PSAT1: variants seen among roughly 807,000 people sequenced by gnomAD.
The protein encoded by PSAT1 is phosphoserine aminotransferase 1.
In PSAT1, 41 loss-of-function variants were observed where a neutral mutation model predicts 40.3. The observed-to-expected ratio is 1.02, with a 90% confidence interval of 0.79 to 1.32. The LOEUF is 1.32. Among genes scored for constraint, PSAT1 ranks in the 40% most tolerant of loss-of-function variants. The pLI is 0.00. For missense variants in PSAT1, 406 were observed against 455.8 expected, an observed-to-expected ratio of 0.89 and a Z score of 0.99; for synonymous variants, 147 against 170.5, an observed-to-expected ratio of 0.86 and a Z score of 1.07.
In PSAT1 at chr9:78,306,736, CT is replaced by C. The variant is rs906599987; in HGVS notation, c.570+254del. On this transcript the variant is annotated intron_variant, in intron 5 of 8. Coordinates refer to ENST00000376588, the MANE Select transcript of PSAT1 (RefSeq NM_058179.4). ...ACTCGAGTCCTTGGGGAACTACCTGCTTTTGAGAGTGGTTCTTAGAAACGTG... is the reference window on the plus strand; with the variant it reads ...ACTCGAGTCCTTGGGGAACTACCTGCTTTGAGAGTGGTTCTTAGAAACGTG... Among the ~76,000 whole-genome samples the C allele has an allele frequency of 4.3e-4, 65 of 152,288 alleles. 1 individual carries two copies. Among genetic ancestry groups the C allele is most frequent in the African/African-American group, 1.5e-3 (63 of 41,552 alleles).
intron 2 of PSAT1, among the ~76,000 whole-genome samples, chr9:78,301,726 T>G (rs1029057008): frequency 2.0e-5 from 3 of 152,208 alleles, no homozygotes; most frequent in African/African-American, 7.2e-5. Flanking sequence ...GCTCAGTGAA[T>G]GTACCACTTG....
At chr9:78,307,299 C>T (rs1044556073) in intron 5 of PSAT1, among the ~76,000 whole-genome samples, 1 of 152,196 alleles carries the variant, frequency 6.6e-6, no homozygotes, top group African/African-American at 2.4e-5. Flanking sequence ...TACTATTTGT[C>T]CTTTTGTGTC....
At chr9:78,312,800 T>C (rs1436125338) in intron 6 of PSAT1, among the ~76,000 whole-genome samples, 1 of 152,116 alleles carries the variant, frequency 6.6e-6, no homozygotes, top group Non-Finnish European at 1.5e-5. Context: ...CTTCTCCCAG[T>C]GGGATGGGGA....
In PSAT1 at chr9:78,300,643, A is replaced by T. The variant is rs1828093764; in HGVS notation, c.102A>T (p.Gly34=). Residue 34 remains glycine (G), a synonymous_variant, in exon 2 of 9, where the codon GGA becomes GGT. Transcript: ENST00000376588. The stretch of plus-strand genomic sequence containing the variant: ...AAAAGGAATTATTAGACTACAAAGG[A>T]GTTGGCATTAGTGTTCTTGGTAAGA... The part of the protein sequence containing the change: ...EIQKELLDYK[G]VGISVLEMSH... 6.4e-7 allele frequency: 1 copy of T among 1,560,248 alleles called. No homozygotes were observed. Among genetic ancestry groups the T allele is most frequent in the African/African-American group, 1.4e-5 (1 of 72,014 alleles).
chr9:78,298,354 G>A lies in PSAT1; in HGVS notation c.60+1084G>A, dbSNP rs186732264. On this transcript the variant is annotated intron_variant, in intron 1 of 8. Coordinates refer to ENST00000376588, the MANE Select transcript of PSAT1 (RefSeq NM_058179.4). ...GTATTTTACAATTATCAATTGTTGA[G>A]CAGAGTAGAAATCTCCCTGGGACAG... 9.4e-5 allele frequency: 93 copies of A among 984,730 alleles called. No individual in the cohort carries two copies. In the South Asian group the frequency reaches 1.3e-3, roughly 13 times the overall value. The allele number at this position is 984,730 out of a possible 1,614,324, so 61.0% of individuals were successfully genotyped here. A position where few individuals can be genotyped will look rare whatever the true frequency, so the allele number is the denominator to read the frequency against.
At chr9:78,322,805 A>T (rs980875447) in intron 7 of PSAT1, among the ~76,000 whole-genome samples, 1 of 152,252 alleles carries the variant, frequency 6.6e-6, no homozygotes, top group Non-Finnish European at 1.5e-5. Context: ...TTAGTTCCTT[A>T]GGAAATGCAG....
chr9:78,318,468 A>G (rs1259598546), intron 7 of PSAT1, among the ~76,000 whole-genome samples: 2 of 152,220 alleles, frequency 1.3e-5, no homozygotes, highest in African/African-American at 4.8e-5. Flanking sequence ...GGCTCAAAAC[A>G]TCAGAAAACT....
chr9:78,320,728 G>A (rs1828418120), intron 7 of PSAT1, among the ~76,000 whole-genome samples: 1 of 145,236 alleles, frequency 6.9e-6, no homozygotes, highest in South Asian at 2.1e-4. Flanking sequence ...GACCTGCTCT[G>A]TACACTAGCC....
At chr9:78,320,234 C>T (rs1156406598) in intron 7 of PSAT1, among the ~76,000 whole-genome samples, 1 of 151,798 alleles carries the variant, frequency 6.6e-6, no homozygotes, top group Non-Finnish European at 1.5e-5. Flanking sequence ...TTCACCCATC[C>T]ACTCATCCAG....
intron 1 of PSAT1, chr9:78,298,524 C>A: frequency 1.3e-6 from 1 of 765,234 alleles, no homozygotes; most frequent in Non-Finnish European, 1.6e-6. Flanking sequence ...AGGCGAGATT[C>A]CCTGCTCCAG....
chr9:78,314,909 C>T (rs1250157048), intron 6 of PSAT1, among the ~76,000 whole-genome samples: 2 of 152,026 alleles, frequency 1.3e-5, no homozygotes. Context: ...GAAGCTTGGT[C>T]ACCTGGAAGT....
chr9:78,321,085 C>G (rs1051570663), intron 7 of PSAT1, among the ~76,000 whole-genome samples: 1 of 152,204 alleles, frequency 6.6e-6, no homozygotes, highest in African/African-American at 2.4e-5. Context: ...GCCTGCCAAA[C>G]TAATGTGGCA....
chr9:78,326,934 AAT>A lies in PSAT1; in HGVS notation c.870-1096_870-1095del, dbSNP rs1210919066. ...AGCTCAAACATGCTTAAGTGACAGC[AAT>A]ATATATATATATATATATATTTTTT... On this transcript the variant is annotated intron_variant, in intron 7 of 8. Coordinates refer to ENST00000376588, the MANE Select transcript of PSAT1 (RefSeq NM_058179.4). Among the ~76,000 whole-genome samples, 198 of 104,540 alleles carry A rather than the reference AAT, an allele frequency of 1.9e-3. 7 individuals are homozygous for A. Among genetic ancestry groups the A allele is most frequent in the Middle Eastern group, 0.015 (3 of 206 alleles). The allele number at this position is 104,540 out of a possible 152,430, so 68.6% of individuals were successfully genotyped here.
chr9:78,299,603 C>G (rs1242363842), intron 1 of PSAT1, among the ~76,000 whole-genome samples: 2 of 148,614 alleles, frequency 1.3e-5, no homozygotes, highest in African/African-American at 5.1e-5. Context: ...ACCTCCGCCT[C>G]CCGGGTTCCA....
chr9:78,305,791 A>G (rs763347989), intron 4 of PSAT1, among the ~76,000 whole-genome samples: 6 of 152,210 alleles, frequency 3.9e-5, no homozygotes, highest in Non-Finnish European at 7.3e-5. Flanking sequence ...CTGGGGTTCC[A>G]AGAAGAAACT....
At chr9:78,318,302 T>C (rs1365090620) in intron 7 of PSAT1, among the ~76,000 whole-genome samples, 2 of 152,226 alleles carry the variant, frequency 1.3e-5, no homozygotes, top group Non-Finnish European at 2.9e-5. Flanking sequence ...TGGAATTGGC[T>C]TTGGCATGGG....
intron 6 of PSAT1, among the ~76,000 whole-genome samples, chr9:78,317,457 C>T (rs1402778192): frequency 1.3e-5 from 2 of 152,180 alleles, no homozygotes; most frequent in Non-Finnish European, 2.9e-5. Context: ...TGCTATGTTG[C>T]CTAGGCTGCT....
rs771502157 is a variant in PSAT1 at position 78,308,492 on chromosome 9, C to G, written c.649C>G (p.Leu217Val). The G allele has an allele frequency of 1.9e-6, 3 of 1,613,858 alleles. No individual in the cohort carries two copies. The African/African-American group carries it at 4.0e-5, about 22-fold the overall frequency. Residue 217 changes from leucine (L) to valine (V), a missense_variant, in exon 6 of 9, where the codon CTG becomes GTG. Transcript: ENST00000376588. Reference protein sequence around the residue: ...VTVVIVRDDLLGFALRECPSV... With the variant: ...VTVVIVRDDLVGFALRECPSV... ...CGTGGTGATTGTCCGTGATGACCTG[C>G]TGGGGTTTGCCCTCCGAGAGTGCCC... is the stretch of plus-strand genomic sequence containing the variant.
chr9:78,316,463 TCA>T (rs1357019585), intron 6 of PSAT1, among the ~76,000 whole-genome samples: 6 of 152,156 alleles, frequency 3.9e-5, no homozygotes, highest in African/African-American at 1.4e-4. Context: ...ATCTCCTGTC[TCA>T]CAGTTGCACT....
Sources: gnomAD v4.1 joint callset for allele counts (sites outside exome capture counted in the v4.1 genomes callset) on GRCh38, gnomAD v4.1.1 for gene constraint, MANE v1.5 for transcripts, NCBI Gene and HGNC (gene_info 2026-07-23, HGNC 2026-07-21) for gene names.